The following SRBD1 variants were observed in gnomAD, a reference collection of about 807,000 sequenced individuals.
The protein encoded by SRBD1 is S1 RNA binding domain 1.
A neutral mutation model predicts 115.3 loss-of-function variants in SRBD1; 88 were observed. That is an observed-to-expected ratio of 0.76 (90% CI 0.64 to 0.91). The LOEUF (loss-of-function observed/expected upper bound fraction) is 0.91, where lower values mean the gene tolerates loss of function less well. Among genes scored for constraint, SRBD1 ranks in the 40% least tolerant of loss-of-function variants. The pLI, the probability that SRBD1 is intolerant of heterozygous loss-of-function variation, is 0.00. For synonymous variants in SRBD1, 509 were observed against 407.7 expected, an observed-to-expected ratio of 1.25 and a Z score of -2.99; for missense variants, 1,385 against 1,177.4, an observed-to-expected ratio of 1.18 and a Z score of -2.58.
chr2:45,608,175 T>C (rs1008072222), intron 1 of SRBD1, among the ~76,000 whole-genome samples: 3 of 152,208 alleles, frequency 2.0e-5, no homozygotes, highest in Admixed American at 6.5e-5. Context: ...ACCATTATCC[T>C]TAAAGAAGGC....
intron 3 of SRBD1, among the ~76,000 whole-genome samples, chr2:45,600,524 T>C (rs1674058999): frequency 6.6e-6 from 1 of 152,198 alleles, no homozygotes; most frequent in South Asian, 2.1e-4. Flanking sequence ...AGGCTACACA[T>C]GCCACCAATT....
At chr2:45,412,261 T>G (rs747058095) in intron 19 of SRBD1, among the ~76,000 whole-genome samples, 2 of 152,202 alleles carry the variant, frequency 1.3e-5, no homozygotes, top group Non-Finnish European at 2.9e-5. Context: ...TTTTTCTGTA[T>G]GGCTAAATTT....
intron 14 of SRBD1, among the ~76,000 whole-genome samples, chr2:45,489,025 T>G (rs1670210030): frequency 6.6e-6 from 1 of 152,174 alleles, no homozygotes; most frequent in Non-Finnish European, 1.5e-5. Flanking sequence ...TTTCATTCTC[T>G]TCCTTTCTTC....
intron 16 of SRBD1, among the ~76,000 whole-genome samples, chr2:45,439,420 T>C (rs1049588658): frequency 4.6e-5 from 7 of 150,678 alleles, no homozygotes; most frequent in Non-Finnish European, 1.0e-4. Flanking sequence ...TGCATATATA[T>C]ATAGCACAAA....
rs1255853493 is a variant in SRBD1 at position 45,564,123 on chromosome 2, G to A, written c.1306-1367C>T. Among the ~76,000 whole-genome samples the A allele has an allele frequency of 5.9e-5, 9 of 152,200 alleles. No individual in the cohort carries two copies. The East Asian group carries it at 1.7e-3, about 29-fold the overall frequency. ...ATCAACTAGAATCAATTCCAGGAATGCCCGGTTGATTTAACATCTAAAAAA... is the reference window on the plus strand; with the variant it reads ...ATCAACTAGAATCAATTCCAGGAATACCCGGTTGATTTAACATCTAAAAAA... On this transcript the variant is annotated intron_variant, in intron 9 of 20. Coordinates refer to ENST00000263736, the MANE Select transcript of SRBD1 (RefSeq NM_018079.5).
chr2:45,599,951 T>C (rs1558505517), intron 3 of SRBD1, 116 bp from the exon 4 acceptor site: 1 of 1,222,988 alleles, frequency 8.2e-7, no homozygotes, highest in African/African-American at 1.5e-5. Context: ...CTTGGAAGAA[T>C]CTCAAGTAAA....
At chr2:45,518,663 CTTTT>C (rs940243842) in intron 14 of SRBD1, among the ~76,000 whole-genome samples, 1 of 152,096 alleles carries the variant, frequency 6.6e-6, no homozygotes, top group African/African-American at 2.4e-5. Flanking sequence ...AAGGAAACAT[CTTTT>C]TTATGTTTTG....
chr2:45,436,075 T>A (rs894105062), intron 16 of SRBD1, among the ~76,000 whole-genome samples: 1 of 151,648 alleles, frequency 6.6e-6, no homozygotes, highest in African/African-American at 2.4e-5. Context: ...ATATAATATA[T>A]CTCAGGTATG....
At chr2:45,474,560 T>G (rs1669748982) in intron 16 of SRBD1, among the ~76,000 whole-genome samples, 1 of 152,040 alleles carries the variant, frequency 6.6e-6, no homozygotes, top group African/African-American at 2.4e-5. Context: ...GAGGAGGAGG[T>G]CAGTACAGGC....
At chr2:45,453,744 AAAAC>A (rs775212996) in intron 16 of SRBD1, among the ~76,000 whole-genome samples, 4 of 151,980 alleles carry the variant, frequency 2.6e-5, no homozygotes, top group Non-Finnish European at 2.9e-5. Flanking sequence ...AATCTGATGA[AAAAC>A]AAAACTCAGA....
chr2:45,439,416 T>C (rs1322036085), intron 16 of SRBD1, among the ~76,000 whole-genome samples: 2 of 150,682 alleles, frequency 1.3e-5, no homozygotes, highest in East Asian at 1.9e-4. Context: ...TATATGCATA[T>C]ATATATAGCA....
intron 16 of SRBD1, among the ~76,000 whole-genome samples, chr2:45,420,365 T>C (rs2103635947): frequency 6.6e-6 from 1 of 152,308 alleles, no homozygotes; most frequent in South Asian, 2.1e-4. Context: ...AAACATGTTA[T>C]AATAGGAAGC....
chr2:45,595,213 A>G (rs368194428), intron 4 of SRBD1, among the ~76,000 whole-genome samples: 1 of 152,260 alleles, frequency 6.6e-6, no homozygotes, highest in Non-Finnish European at 1.5e-5. Context: ...CAAACAAGAC[A>G]GTGATGTTCC....
At chr2:45,482,827 G>GGATGTTTTATAT (rs1414227084) in intron 15 of SRBD1, among the ~76,000 whole-genome samples, 1 of 151,872 alleles carries the variant, frequency 6.6e-6, no homozygotes, top group Non-Finnish European at 1.5e-5. Flanking sequence ...ATATAAAATG[G>GGATGTTTTATAT]AGTACCATTT....
chr2:45,563,787 T>C (rs961058166), intron 9 of SRBD1, among the ~76,000 whole-genome samples: 4 of 152,104 alleles, frequency 2.6e-5, no homozygotes, highest in Admixed American at 6.5e-5. Context: ...ATAAAAAGTA[T>C]GGACACTGAA....
At chr2:45,430,379 C>T (rs1558388580) in intron 16 of SRBD1, among the ~76,000 whole-genome samples, 1 of 152,166 alleles carries the variant, frequency 6.6e-6, no homozygotes, top group Non-Finnish European at 1.5e-5. Context: ...CATCACGCTA[C>T]CTGACTTCAA....
intron 14 of SRBD1, among the ~76,000 whole-genome samples, chr2:45,525,892 G>C (rs1671425472): frequency 6.6e-6 from 1 of 151,964 alleles, no homozygotes; most frequent in African/African-American, 2.4e-5. Context: ...TTAGTCATCA[G>C]GAAAATCCAA....
chr2:45,606,128 C>T (rs1002145344), intron 1 of SRBD1, among the ~76,000 whole-genome samples: 1 of 149,394 alleles, frequency 6.7e-6, no homozygotes, highest in African/African-American at 2.5e-5. Context: ...TAAACTATAT[C>T]TCAAAGACAG....
At chr2:45,463,423 C>T (rs878951027) in intron 16 of SRBD1, among the ~76,000 whole-genome samples, 1 of 152,114 alleles carries the variant, frequency 6.6e-6, no homozygotes, top group African/African-American at 2.4e-5. Context: ...ACTCACACTC[C>T]AACACACATA....
Sources: gnomAD v4.1 joint callset for allele counts (sites outside exome capture counted in the v4.1 genomes callset) on GRCh38, gnomAD v4.1.1 for gene constraint, MANE v1.5 for transcripts, NCBI Gene and HGNC (gene_info 2026-07-23, HGNC 2026-07-21) for gene names.